Variants in MBLAC2 observed in about 807,000 individuals in gnomAD.
MBLAC2 encodes the protein acyl-coenzyme A thioesterase MBLAC2.
In MBLAC2, 24 loss-of-function variants were observed where a neutral mutation model predicts 23.3. The ratio of observed to expected loss-of-function variants is 1.03; its 90% CI spans 0.75 to 1.45. The LOEUF is 1.45. MBLAC2 is among the 40% of genes most tolerant of loss of function. The pLI is 0.00. For missense variants in MBLAC2, 358 were observed against 370.0 expected, an observed-to-expected ratio of 0.97 and a Z score of 0.27; for synonymous variants, 162 against 150.9, an observed-to-expected ratio of 1.07 and a Z score of -0.54.
At position 90,474,514 on chromosome 5, in the gene MBLAC2, G is replaced by C. The variant is rs967192394; in HGVS notation, c.-222C>G. The C allele has an allele frequency of 1.1e-5, 6 of 548,526 alleles. No homozygotes were observed. Among genetic ancestry groups the C allele is most frequent in the South Asian group, 2.3e-5 (1 of 43,274 alleles). The allele number at this position is 548,526 out of a possible 1,614,324, so 34.0% of individuals were successfully genotyped here. A position where few individuals can be genotyped will look rare whatever the true frequency, so the allele number is the denominator to read the frequency against. On this transcript the variant is annotated 5_prime_UTR_variant, in exon 1 of 2. Coordinates refer to ENST00000316610, the MANE Select transcript of MBLAC2 (RefSeq NM_203406.2). ...CGCTCCCGCACCCTTCCGCCAGGTCGGCAGCAAGCAGAGGCTGCGCCACCA... is the reference window on the plus strand; with the variant it reads ...CGCTCCCGCACCCTTCCGCCAGGTCCGCAGCAAGCAGAGGCTGCGCCACCA...
rs949741211 is a variant in MBLAC2, at chr5:90,474,758, C to A, written c.-466G>T. On this transcript the variant is annotated 5_prime_UTR_variant, in exon 1 of 2. It adds an upstream start codon to the 5' untranslated region. Coordinates refer to ENST00000316610, the MANE Select transcript of MBLAC2 (RefSeq NM_203406.2). ...CCAGCTGGCGCAGAAAGTGTGGGGC[C>A]TCGCGGGTTGTACGGCGACTACGGC... 1.1e-5 allele frequency: 2 copies of A among 187,110 alleles called. No homozygotes were observed. The highest frequency in any genetic ancestry group is 9.6e-5 in the South Asian group (1 of 10,378). 11.6% of individuals were successfully genotyped at this position (187,110 alleles called of 1,614,324 possible).
At chr5:90,469,807 G>A (rs922452015) in intron 1 of MBLAC2, among the ~76,000 whole-genome samples, 2 of 152,162 alleles carry the variant, frequency 1.3e-5, no homozygotes, top group African/African-American at 2.4e-5. Flanking sequence ...CAGCAACTAC[G>A]GAAAATGGTA....
intron 1 of MBLAC2, among the ~76,000 whole-genome samples, chr5:90,463,130 C>T (rs1251454341): frequency 3.9e-5 from 6 of 152,260 alleles, no homozygotes; most frequent in Non-Finnish European, 5.9e-5. Context: ...CTCGCCCCGG[C>T]TGGAGTGCAG....
At chr5:90,462,139 C>T (rs2151891246) in intron 1 of MBLAC2, among the ~76,000 whole-genome samples, 1 of 152,260 alleles carries the variant, frequency 6.6e-6, no homozygotes. Context: ...TAATAATCTC[C>T]TTAATCTCTG....
chr5:90,471,642 T>A (rs1003118650), intron 1 of MBLAC2: 1 of 152,206 alleles, frequency 6.6e-6, no homozygotes, highest in Non-Finnish European at 1.5e-5. Context: ...ATGTAATAAA[T>A]GATTTCAGCT....
intron 1 of MBLAC2, chr5:90,473,304 C>T (rs944436836): frequency 3.7e-5 from 8 of 214,088 alleles, no homozygotes; most frequent in African/African-American, 1.9e-4. Context: ...GGTTTCCAAT[C>T]GCATTAGCGG....
At chr5:90,462,018 C>G (rs1750376305) in intron 1 of MBLAC2, among the ~76,000 whole-genome samples, 1 of 152,210 alleles carries the variant, frequency 6.6e-6, no homozygotes, top group African/African-American at 2.4e-5. Flanking sequence ...CCTGTTGACA[C>G]AATTAATGAA....
In MBLAC2 at chr5:90,459,641, C is replaced by T. The variant is rs1750327237; in HGVS notation, c.*1526G>A. On this transcript the variant is annotated 3_prime_UTR_variant, in exon 2 of 2. Coordinates refer to ENST00000316610, the MANE Select transcript of MBLAC2 (RefSeq NM_203406.2). ...TATAATGTACATTAACTTGCATACA[C>T]TATTATTTATATTTTGTGTGCTTTC... 6.6e-6 allele frequency: 1 copy of T among 152,084 alleles called. No individual in the cohort carries two copies. The highest frequency in any genetic ancestry group is 2.4e-5 in the African/African-American group (1 of 41,416). The allele number at this position is 152,084 out of a possible 1,614,324, so 9.4% of individuals were successfully genotyped here.
chr5:90,473,844 T>C lies in MBLAC2; in HGVS notation c.449A>G (p.Gln150Arg), dbSNP rs775584208. Residue 150 changes from glutamine (Q) to arginine (R), a missense_variant, in exon 1 of 2, where the codon CAG (glutamine) becomes CGG (arginine). By Grantham distance (43) the Gln-to-Arg change is conservative (BLOSUM62 1). Coordinates refer to ENST00000316610, the MANE Select transcript of MBLAC2 (RefSeq NM_203406.2). ...CGCCCGCGGGGGCCCATTACCATCCTGCAGGATGAGGGTGGGCTGCACCGC... is the reference window on the plus strand; with the variant it reads ...CGCCCGCGGGGGCCCATTACCATCCCGCAGGATGAGGGTGGGCTGCACCGC... ...VQAVQPTLILQDGDVINLGDR... is the reference protein window; with the variant it reads ...VQAVQPTLILRDGDVINLGDR... 2.5e-6 allele frequency: 4 copies of C among 1,579,818 alleles called. No individual in the cohort carries two copies. Among genetic ancestry groups the C allele is most frequent in the East Asian group, 4.6e-5 (2 of 43,044 alleles).
At chr5:90,466,845 A>T (rs911817536) in intron 1 of MBLAC2, among the ~76,000 whole-genome samples, 1 of 152,206 alleles carries the variant, frequency 6.6e-6, no homozygotes, top group African/African-American at 2.4e-5. Context: ...CCAAGTGTTG[A>T]AAAAGATGTG....
At chr5:90,470,257 G>A (rs916297383) in intron 1 of MBLAC2, among the ~76,000 whole-genome samples, 1 of 152,118 alleles carries the variant, frequency 6.6e-6, no homozygotes, top group Non-Finnish European at 1.5e-5. Flanking sequence ...CAAAAATACA[G>A]TTAGATAAAA....
chr5:90,470,531 C>T (rs1015144683), intron 1 of MBLAC2, among the ~76,000 whole-genome samples: 9 of 151,980 alleles, frequency 5.9e-5, no homozygotes, highest in South Asian at 4.1e-4. Context: ...ATGCATGGGG[C>T]CTGGTGACCA....
Position 90,474,043 on chromosome 5 carries a change from C to T in MBLAC2, c.250G>A (p.Val84Met). 1.3e-6 allele frequency: 2 copies of T among 1,590,066 alleles called. No individual in the cohort carries two copies. The highest frequency in any genetic ancestry group is 1.7e-6 in the Non-Finnish European group (2 of 1,169,444). ...RRPLLAVATH[V>M]HFDHSGGLYQ... The stretch of plus-strand genomic sequence containing the variant: ...AGGCCGCCGGAGTGGTCGAAGTGCA[C>T]GTGGGTGGCCACGGCAAGCAGTGGC... The change falls in exon 1 of 2, where the codon GTG becomes ATG. Residue 84 changes from valine (V) to methionine (M), a missense_variant. Coordinates refer to ENST00000316610, the MANE Select transcript of MBLAC2 (RefSeq NM_203406.2).
At chr5:90,470,785 C>CACACACACACACAA (rs3220210) in intron 1 of MBLAC2, among the ~76,000 whole-genome samples, 4,504 of 147,756 alleles carry the variant, frequency 0.03, 103 homozygotes, top group East Asian at 0.062. Flanking sequence ...CACACACACA[C>CACACACACACACAA]GCTTTCTTTC....
In MBLAC2 at chr5:90,474,466, A is replaced by C. The variant is rs1394029691; in HGVS notation, c.-174T>G. The C allele has an allele frequency of 6.4e-6, 4 of 626,016 alleles. No homozygotes were observed. The African/African-American group carries it at 7.4e-5, about 12-fold the overall frequency. The allele number at this position is 626,016 out of a possible 1,614,324, so 38.8% of individuals were successfully genotyped here. A position where few individuals can be genotyped will look rare whatever the true frequency, so the allele number is the denominator to read the frequency against. ...GTCGGAATAGGAGGAGGAAGGACGC[A>C]GACCGACGCTGCCCGTAGCGTGCGC... On this transcript the variant is annotated 5_prime_UTR_variant, in exon 1 of 2. Transcript: ENST00000316610.
Position 90,461,061 on chromosome 5 carries a change from A to G in MBLAC2, c.*106T>C. The G allele has an allele frequency of 1.1e-6, 1 of 882,208 alleles. No homozygotes were observed. The highest frequency in any genetic ancestry group is 1.7e-6 in the Non-Finnish European group (1 of 600,804). 54.6% of individuals were successfully genotyped at this position (882,208 alleles called of 1,614,324 possible). On this transcript the variant is annotated 3_prime_UTR_variant, in exon 2 of 2. Transcript: ENST00000316610. ...CATTCTCAATCTTTCTCTGATATAT[A>G]ATAGTGGTATAAAAGCACTTCATGA...
chr5:90,473,920 C>G lies in MBLAC2; in HGVS notation c.373G>C (p.Val125Leu), dbSNP rs746931274. Reference sequence around the variant, plus strand: ...CAGCCGGGGCTGGGCGTCCGCACCACCTCGCTATCGGAAAGCCAGGTCACG... The same window carrying G: ...CAGCCGGGGCTGGGCGTCCGCACCAGCTCGCTATCGGAAAGCCAGGTCACG... ...ETVTWLSDSE[V>L]VRTPSPGWRA... The change falls in exon 1 of 2, where the codon GTG becomes CTG. Residue 125 changes from valine (V) to leucine (L), a missense_variant. Physicochemically the swap from Val to Leu is conservative, Grantham distance 32. Transcript: ENST00000316610. 1 of 1,605,414 alleles carries G rather than the reference C, an allele frequency of 6.2e-7. No individual in the cohort carries two copies. Among genetic ancestry groups the G allele is most frequent in the Non-Finnish European group, 8.5e-7 (1 of 1,176,734 alleles).
intron 1 of MBLAC2, among the ~76,000 whole-genome samples, chr5:90,469,469 A>AG (rs1750508194): frequency 7.1e-6 from 1 of 141,436 alleles, no homozygotes; most frequent in Non-Finnish European, 1.5e-5. Flanking sequence ...AAATTCTAAG[A>AG]GTTTTTTTTT....
rs577411910 is a variant in MBLAC2, at chr5:90,474,423, G to A, written c.-131C>T. The A allele has an allele frequency of 6.1e-6, 5 of 818,478 alleles. No homozygotes were observed. Among genetic ancestry groups the A allele is most frequent in the East Asian group, 2.7e-5 (1 of 37,444 alleles). The allele number at this position is 818,478 out of a possible 1,614,324, so 50.7% of individuals were successfully genotyped here. A position where few individuals can be genotyped will look rare whatever the true frequency, so the allele number is the denominator to read the frequency against. On this transcript the variant is annotated 5_prime_UTR_variant, in exon 1 of 2. Transcript: ENST00000316610. ...CAGGGAGGAGGCGTAGAGCGAGGCG[G>A]GGGCGTGGGATGCGGGGGTCGGAAT...
Sources: allele counts gnomAD v4.1 joint callset (sites outside exome capture counted in the v4.1 genomes callset), GRCh38; gene constraint gnomAD v4.1.1; transcripts MANE v1.5; gene names NCBI Gene and HGNC (gene_info 2026-07-23, HGNC 2026-07-21).